Variants in HAGH observed in about 807,000 individuals in gnomAD.
HAGH encodes hydroxyacylglutathione hydrolase.
In HAGH, 29 loss-of-function variants were observed where a neutral mutation model predicts 35.1. The observed-to-expected ratio is 0.83, with a 90% CI of 0.62 to 1.13. HAGH has a LOEUF of 1.13. Among genes scored for constraint, HAGH ranks in the 50% most tolerant of loss-of-function variants. The pLI is 0.00. For missense variants in HAGH, 478 were observed against 419.6 expected, an observed-to-expected ratio of 1.14 and a Z score of -1.22; for synonymous variants, 225 against 176.1, an observed-to-expected ratio of 1.28 and a Z score of -2.20.
At chr16:1,819,089 G>T in intron 5 of HAGH, 26 bp downstream of exon 5, 2 of 1,420,892 alleles carry the variant, frequency 1.4e-6, no homozygotes, top group Non-Finnish European at 2.0e-6. Flanking sequence ...AAGAACCCCC[G>T]CCCCCACCCA....
In HAGH at chr16:1,816,610, G is replaced by A. The variant is rs543958424; in HGVS notation, c.747+283C>T. Reference sequence around the variant, plus strand: ...TTCTGTGGCCTGGAGAGCCAGCAGAGCCACGTGCTGCCAGCCTGACCCTAC... The same window carrying A: ...TTCTGTGGCCTGGAGAGCCAGCAGAACCACGTGCTGCCAGCCTGACCCTAC... On this transcript the variant is annotated intron_variant, in intron 7 of 8. Coordinates refer to ENST00000397356, the MANE Select transcript of HAGH (RefSeq NM_005326.6). 1.2e-3 allele frequency among the ~76,000 whole-genome samples: 183 copies of A among 152,360 alleles called. 4 individuals carry two copies. The Middle Eastern group carries it at 0.078, about 65-fold the overall frequency.
upstream of HAGH, chr16:1,826,986 C>T: frequency 3.1e-6 from 2 of 640,800 alleles, no homozygotes; most frequent in Non-Finnish European, 2.5e-6. Context: ...GGAGACGGGC[C>T]TGGGAGCGGC....
At position 1,819,053 on chromosome 16, in the gene HAGH, C is replaced by A. The variant is rs1375622376; in HGVS notation, c.541+62G>T. The A allele has an allele frequency of 4.7e-6, 5 of 1,063,950 alleles. No homozygotes were observed. The South Asian group carries it at 6.5e-5, about 14-fold the overall frequency. The allele number at this position is 1,063,950 out of a possible 1,614,324, so 65.9% of individuals were successfully genotyped here. The stretch of plus-strand genomic sequence containing the variant: ...CCACGAAGCTGCCCCGTGAGCCTGC[C>A]TGGCAGGAGACACAGGGTCTTCACG... On this transcript the variant is annotated intron_variant, in intron 5 of 8. Coordinates refer to ENST00000397356, the MANE Select transcript of HAGH (RefSeq NM_005326.6).
At chr16:1,816,293 T>C (rs1174229156) in intron 7 of HAGH, among the ~76,000 whole-genome samples, 2 of 151,012 alleles carry the variant, frequency 1.3e-5, no homozygotes, top group African/African-American at 2.4e-5. Flanking sequence ...TGTAAAATAA[T>C]GTTAACCTCT....
rs1223818115 is a variant in HAGH, at chr16:1,822,076, G to A, written c.314+224C>T. Reference sequence around the variant, plus strand: ...GCCGGGGGGTGGGGCCTGAGGGTAAGGCTGTAACCTTCTCCCCTCACCCTC... The same window carrying A: ...GCCGGGGGGTGGGGCCTGAGGGTAAAGCTGTAACCTTCTCCCCTCACCCTC... On this transcript the variant is annotated intron_variant, in intron 3 of 8. Coordinates refer to ENST00000397356, the MANE Select transcript of HAGH (RefSeq NM_005326.6). 4 of 562,510 alleles carry A rather than the reference G, an allele frequency of 7.1e-6. No homozygotes were observed. The East Asian group carries it at 8.5e-5, about 12-fold the overall frequency. The allele number at this position is 562,510 out of a possible 1,614,324, so 34.8% of individuals were successfully genotyped here.
At chr16:1,817,790 C>T (rs934435104) in intron 5 of HAGH, among the ~76,000 whole-genome samples, 1 of 152,258 alleles carries the variant, frequency 6.6e-6, no homozygotes, top group East Asian at 1.9e-4. Context: ...ATCCCCACCC[C>T]ATCACTGCCC....
At chr16:1,810,111 A>G in intron 7 of HAGH, 1 of 437,290 alleles carries the variant, frequency 2.3e-6, no homozygotes, top group East Asian at 4.4e-5. Context: ...ACAGTGAGCC[A>G]AGACTGTGCT....
intron 7 of HAGH, among the ~76,000 whole-genome samples, chr16:1,813,514 A>AG (rs1465588258): frequency 6.6e-6 from 1 of 152,202 alleles, no homozygotes; most frequent in Non-Finnish European, 1.5e-5. Flanking sequence ...AGAAGTGCTT[A>AG]GGGATCCATT....
At chr16:1,816,302 C>A (rs73485893) in intron 7 of HAGH, among the ~76,000 whole-genome samples, 13,943 of 151,366 alleles carry the variant, frequency 0.092, 785 homozygotes, top group African/African-American at 0.16. Context: ...ATGTTAACCT[C>A]TACTCTAAGA....
intron 5 of HAGH, among the ~76,000 whole-genome samples, chr16:1,817,995 G>A (rs186858299): frequency 6.6e-6 from 1 of 152,376 alleles, no homozygotes; most frequent in Admixed American, 6.5e-5. Flanking sequence ...CACAGGCCAA[G>A]GCCAGGAGTC....
At chr16:1,817,855 G>A (rs1453025797) in intron 5 of HAGH, among the ~76,000 whole-genome samples, 3 of 152,304 alleles carry the variant, frequency 2.0e-5, no homozygotes, top group Admixed American at 6.5e-5. Flanking sequence ...TCCTGGCCTC[G>A]CTGACCTCAC....
Position 1,819,194 on chromosome 16 carries a change from C to T in HAGH, c.462G>A (p.Ala154=), listed in dbSNP as rs773109920. The change falls in exon 5 of 9, where the codon GCG becomes GCA. Residue 154 remains alanine (A), a synonymous_variant. Coordinates refer to ENST00000397356, the MANE Select transcript of HAGH (RefSeq NM_005326.6). ...TGTGTCCTGAAGTGTGGCACGGGGT[C>T]GCCAGGCACTTGACGTTCAGAGACC... is the stretch of plus-strand genomic sequence containing the variant. The part of the protein sequence containing the change: ...QVGSLNVKCL[A]TPCHTSGHIC... The T allele has an allele frequency of 1.1e-5, 17 of 1,612,226 alleles. No homozygotes were observed. Among genetic ancestry groups the T allele is most frequent in the East Asian group, 2.2e-5 (1 of 44,858 alleles).
chr16:1,817,742 C>T (rs1014624120), intron 5 of HAGH, among the ~76,000 whole-genome samples: 5 of 136,718 alleles, frequency 3.7e-5, no homozygotes, highest in Non-Finnish European at 6.8e-5. Context: ...GCACCTCAGG[C>T]GCACCCAGGC....
At chr16:1,813,973 T>C (rs1897774528) in intron 7 of HAGH, among the ~76,000 whole-genome samples, 1 of 152,184 alleles carries the variant, frequency 6.6e-6, no homozygotes, top group Non-Finnish European at 1.5e-5. Context: ...CAGACAGCCC[T>C]GAACACCTCG....
rs375687413 is a variant in HAGH at position 1,819,104 on chromosome 16, C to T, written c.541+11G>A. ...AAGAACCCCCGCCCCCACCCACACT[C>T]GAACACGCACCTGTGAACACGGCAG... On this transcript the variant is annotated intron_variant, in intron 5 of 8. Coordinates refer to ENST00000397356, the MANE Select transcript of HAGH (RefSeq NM_005326.6). The T allele has an allele frequency of 4.7e-5, 73 of 1,560,904 alleles. No homozygotes were observed. The highest frequency in any genetic ancestry group is 3.0e-4 in the South Asian group (27 of 89,918).
intron 4 of HAGH, 65 bp from the exon 5 acceptor site, chr16:1,819,288 G>A (rs971992057): frequency 1.3e-5 from 14 of 1,066,832 alleles, no homozygotes; most frequent in Admixed American, 6.3e-5. Flanking sequence ...CCGGGGTCAC[G>A]GCGCGCCGCC....
At chr16:1,824,973 G>A (rs554271023) in intron 1 of HAGH, among the ~76,000 whole-genome samples, 3 of 152,270 alleles carry the variant, frequency 2.0e-5, no homozygotes, top group South Asian at 4.1e-4. Context: ...TCCGAGTGCC[G>A]GGCGTCCTCC....
In HAGH at chr16:1,822,149, G is replaced by A; in HGVS notation, c.314+151C>T. On this transcript the variant is annotated intron_variant, in intron 3 of 8. Coordinates refer to ENST00000397356, the MANE Select transcript of HAGH (RefSeq NM_005326.6). ...CCAGACTTGCCCCTTGGGGGCTACG[G>A]TGAGTCCCGGGTCTTTCTCAGAAGT... The A allele has an allele frequency of 1.6e-5, 10 of 630,646 alleles. No individual in the cohort carries two copies. The South Asian group carries it at 1.8e-4, about 11-fold the overall frequency. The allele number at this position is 630,646 out of a possible 1,614,324, so 39.1% of individuals were successfully genotyped here.
intron 7 of HAGH, chr16:1,812,509 A>AAAAC (rs2142029222): frequency 3.9e-5 from 1 of 25,702 alleles, no homozygotes; most frequent in Admixed American, 8.4e-4. Flanking sequence ...TGTCTCAAAA[A>AAAAC]AAAAAAAAAA....
Sources: allele counts gnomAD v4.1 joint callset (sites outside exome capture counted in the v4.1 genomes callset), GRCh38; gene constraint gnomAD v4.1.1; transcripts MANE v1.5; gene names NCBI Gene and HGNC (gene_info 2026-07-23, HGNC 2026-07-21).